The following SESN2 variants were observed in gnomAD, a reference collection of about 807,000 sequenced individuals.
SESN2 encodes sestrin 2, also known as sestrin-2.
A neutral mutation model predicts 56.0 loss-of-function variants in SESN2; 42 were observed. The observed-to-expected ratio is 0.75, with a 90% CI of 0.59 to 0.97. The LOEUF (loss-of-function observed/expected upper bound fraction) is 0.97, where lower values mean the gene tolerates loss of function less well. Among genes scored for constraint, SESN2 ranks in the 50% least tolerant of loss-of-function variants. The pLI, the probability that SESN2 is intolerant of heterozygous loss-of-function variation, is 0.00. For synonymous variants in SESN2, 264 were observed against 267.1 expected (o/e 0.99, Z 0.11); for missense variants, 507 against 649.4 (o/e 0.78, Z 2.38).
intron 1 of SESN2, among the ~76,000 whole-genome samples, chr1:28,267,829 C>G (rs1647611499): frequency 6.6e-6 from 1 of 152,192 alleles, no homozygotes; most frequent in East Asian, 1.9e-4. Context: ...CCCTCCGTGC[C>G]TTTCTGCTTT....
intron 1 of SESN2, among the ~76,000 whole-genome samples, chr1:28,264,874 C>T (rs1429751717): frequency 6.6e-6 from 1 of 152,168 alleles, no homozygotes; most frequent in East Asian, 1.9e-4. Context: ...CCAAGTGTGA[C>T]AGGTGCTGTG....
Position 28,272,294 on chromosome 1 carries a change from GCCATCA to G in SESN2, c.366_371del (p.His123_Gln124del). On this transcript the variant is annotated inframe_deletion, in exon 4 of 10. Transcript: ENST00000253063. ...CCACTACCTCCGCAGGCTGCCGCCC[GCCATCA>G]GTGTTCTTACCTGGTAGGCTCCCAC... is the stretch of plus-strand genomic sequence containing the variant. The G allele has an allele frequency of 6.2e-7, 1 of 1,613,762 alleles. No homozygotes were observed. Among genetic ancestry groups the G allele is most frequent in the Non-Finnish European group, 8.5e-7 (1 of 1,179,900 alleles).
At chr1:28,264,867 A>C (rs970769629) in intron 1 of SESN2, among the ~76,000 whole-genome samples, 17 of 152,160 alleles carry the variant, frequency 1.1e-4, no homozygotes, top group Non-Finnish European at 1.6e-4. Flanking sequence ...TGTGCCCCCA[A>C]GTGTGACAGG....
Position 28,271,801 on chromosome 1 carries a change from G to A in SESN2, c.284G>A (p.Arg95His), listed in dbSNP as rs539873722. The change falls in exon 3 of 10, where the codon CGC (arginine) becomes CAC (histidine). Residue 95 changes from arginine to histidine, a missense_variant. Transcript: ENST00000253063. ...LHPDYFTSFW[R>H]LHYLLLHTDG... is the part of the protein sequence containing the mutation. ...CCTGACTACTTTACCAGCTTCTGGC[G>A]CCTGCACTACCTGCTGCTGCACACG... 1.4e-5 allele frequency: 22 copies of A among 1,614,080 alleles called. No homozygotes were observed. The highest frequency in any genetic ancestry group is 1.0e-4 in the Admixed American group (6 of 60,004).
intron 1 of SESN2, among the ~76,000 whole-genome samples, chr1:28,261,868 T>C (rs1380534581): frequency 6.8e-6 from 1 of 147,336 alleles, no homozygotes; most frequent in African/African-American, 2.5e-5. Context: ...GCAACCTCCA[T>C]CTCCCAGGTT....
chr1:28,259,735 G>A lies in SESN2; in HGVS notation c.-113G>A, dbSNP rs1173670721. Reference sequence around the variant, plus strand: ...TCTGGAGCCCCGAGAGACGCCCCGGGGTTCTAGAAGCTCCCCGGCGGCGCC... The same window carrying A: ...TCTGGAGCCCCGAGAGACGCCCCGGAGTTCTAGAAGCTCCCCGGCGGCGCC... On this transcript the variant is annotated 5_prime_UTR_variant, in exon 1 of 10. Transcript: ENST00000253063. 2.8e-6 allele frequency: 2 copies of A among 725,160 alleles called. No individual in the cohort carries two copies. Among genetic ancestry groups the A allele is most frequent in the African/African-American group, 1.9e-5 (1 of 53,310 alleles). The allele number at this position is 725,160 out of a possible 1,614,324, so 44.9% of individuals were successfully genotyped here.
chr1:28,259,571 T>C lies in SESN2; in HGVS notation c.-277T>C. On this transcript the variant is annotated 5_prime_UTR_variant, in exon 1 of 10. Transcript: ENST00000253063. ...GGAGCGCTGGGTCCGGGAGCAGCCC[T>C]GGCCCCTGCGGACTTCCGAGGCCGT... is the stretch of plus-strand genomic sequence containing the variant. 2.7e-6 allele frequency: 1 copy of C among 372,240 alleles called. No individual in the cohort carries two copies. Among genetic ancestry groups the C allele is most frequent in the Non-Finnish European group, 4.8e-6 (1 of 207,162 alleles). The allele number at this position is 372,240 out of a possible 1,614,324, so 23.1% of individuals were successfully genotyped here.
chr1:28,265,168 A>G (rs1356779699), intron 1 of SESN2, among the ~76,000 whole-genome samples: 2 of 152,148 alleles, frequency 1.3e-5, no homozygotes, highest in Non-Finnish European at 2.9e-5. Flanking sequence ...CTTGTTATGC[A>G]CCATTGTTAT....
chr1:28,271,617 C>T (rs2149038491), intron 2 of SESN2, 57 bp from the exon 3 acceptor site: 2 of 1,383,962 alleles, frequency 1.4e-6, no homozygotes, highest in East Asian at 2.3e-5. Context: ...ATACATTGGT[C>T]TCTTTGATGA....
rs1162984195 is a variant in SESN2 at position 28,281,512 on chromosome 1, T to C, written c.*710T>C. The C allele has an allele frequency of 6.6e-6, 1 of 152,082 alleles. No individual in the cohort carries two copies. Among genetic ancestry groups the C allele is most frequent in the African/African-American group, 2.4e-5 (1 of 41,412 alleles). 9.4% of individuals were successfully genotyped at this position (152,082 alleles called of 1,614,324 possible). On this transcript the variant is annotated 3_prime_UTR_variant, in exon 10 of 10. Coordinates refer to ENST00000253063, the MANE Select transcript of SESN2 (RefSeq NM_031459.5). ...AGCCTTTGCTGGTCACATTGCCTTC[T>C]GAAGAGGAGGGAGTATTAGATTATA...
intron 3 of SESN2, 77 bp from the exon 4 acceptor site, chr1:28,272,207 T>A: frequency 6.8e-7 from 1 of 1,470,328 alleles, no homozygotes. Context: ...CTACAACCTC[T>A]CCCCTGATGG....
At chr1:28,262,621 CAAAAAAA>C (rs71027268) in intron 1 of SESN2, among the ~76,000 whole-genome samples, 9 of 52,498 alleles carry the variant, frequency 1.7e-4, no homozygotes, top group Non-Finnish European at 2.6e-4. Context: ...GAGTCTGTCT[CAAAAAAA>C]AAAAAAAAAA....
chr1:28,263,822 T>C (rs1647464885), intron 1 of SESN2, among the ~76,000 whole-genome samples: 1 of 152,094 alleles, frequency 6.6e-6, no homozygotes, highest in African/African-American at 2.4e-5. Context: ...CCCTTAGTCT[T>C]GTGTGCAAAA....
Position 28,281,135 on chromosome 1 carries a change from G to A in SESN2, c.*333G>A. On this transcript the variant is annotated 3_prime_UTR_variant, in exon 10 of 10. Coordinates refer to ENST00000253063, the MANE Select transcript of SESN2 (RefSeq NM_031459.5). ...GGAATTAATGTGCCACAAGTGTTGT[G>A]GCCTTCCTGAACTGGGAAGTCCCTG... is the stretch of plus-strand genomic sequence containing the variant. The A allele has an allele frequency of 4.3e-6, 1 of 230,876 alleles. No individual in the cohort carries two copies. The highest frequency in any genetic ancestry group is 1.1e-4 in the South Asian group (1 of 8,890). 14.3% of individuals were successfully genotyped at this position (230,876 alleles called of 1,614,324 possible).
At chr1:28,275,296 T>TAC (rs71586836) in intron 8 of SESN2, among the ~76,000 whole-genome samples, 2,415 of 149,646 alleles carry the variant, frequency 0.016, 25 homozygotes, top group African/African-American at 0.025. Context: ...TATACATGCA[T>TAC]ACACACACAC....
At position 28,272,598 on chromosome 1, in the gene SESN2, C is replaced by T. The variant is rs752365766; in HGVS notation, c.555C>T (p.Gly185=). 5.0e-6 allele frequency: 8 copies of T among 1,613,910 alleles called. 1 individual carries two copies. Among genetic ancestry groups the T allele is most frequent in the South Asian group, 1.1e-5 (1 of 91,072 alleles). The change falls in exon 5 of 10, where the codon GGC becomes GGT. Residue 185 remains glycine (G), a synonymous_variant. Transcript: ENST00000253063. ...CCTTCCAGGCCTTGCTGAAGACCGG[C>T]GAGCACACTTGGTCCCTGGCCGAGC... ...KEHIQALLKT[G]EHTWSLAELI... is the part of the protein sequence containing the mutation.
At chr1:28,272,912 G>T in intron 5 of SESN2, 119 bp downstream of exon 5, 1 of 634,360 alleles carries the variant, frequency 1.6e-6, no homozygotes. Context: ...AGAGACCATA[G>T]AAAAGTTATT....
At chr1:28,278,162 A>T (rs7532379) in intron 8 of SESN2, among the ~76,000 whole-genome samples, 57,529 of 152,046 alleles carry the variant, frequency 0.38, 11,852 homozygotes, top group African/African-American at 0.54. Flanking sequence ...GAGTACAAGC[A>T]CCTTTTTACC....
Position 28,279,003 on chromosome 1 carries a change from C to T in SESN2, c.1212-94C>T, listed in dbSNP as rs569734401. The T allele has an allele frequency of 1.2e-4, 150 of 1,243,954 alleles. No individual in the cohort carries two copies. In the African/African-American group the frequency reaches 1.2e-3, roughly 10 times the overall value. 77.1% of individuals were successfully genotyped at this position (1,243,954 alleles called of 1,614,324 possible). A position where few individuals can be genotyped will look rare whatever the true frequency, so the allele number is the denominator to read the frequency against. Reference sequence around the variant, plus strand: ...GCTTCTACCTTCTGATTTTTCTCAACACTCTGTTCTTCCCTCTGTAGGGTG... The same window carrying T: ...GCTTCTACCTTCTGATTTTTCTCAATACTCTGTTCTTCCCTCTGTAGGGTG... On this transcript the variant is annotated intron_variant, in intron 8 of 9. Transcript: ENST00000253063.
Sources: allele counts gnomAD v4.1 joint callset (sites outside exome capture counted in the v4.1 genomes callset), GRCh38; gene constraint gnomAD v4.1.1; transcripts MANE v1.5; gene names NCBI Gene and HGNC (gene_info 2026-07-23, HGNC 2026-07-21).